Variants in RNF212B observed in about 807,000 individuals in gnomAD.
RNF212B encodes the protein E3 ubiquitin-protein ligase RNF212B.
RNF212B carries 52 observed loss-of-function variants against 55.5 expected under a neutral mutation model. The ratio of observed to expected loss-of-function variants is 0.94; its 90% confidence interval spans 0.75 to 1.18. The LOEUF (loss-of-function observed/expected upper bound fraction) is 1.18. Among genes scored for constraint, RNF212B ranks in the 50% most tolerant of loss-of-function variants. The probability of loss-of-function intolerance (pLI) is 0.00; values close to 1 mark genes in which losing one functional copy is unlikely to be tolerated. For missense variants in RNF212B, 289 were observed against 350.4 expected (o/e 0.82, Z 1.40); for synonymous variants, 99 against 121.4 (o/e 0.82, Z 1.21).
chr14:23,272,884 C>A lies in RNF212B; in HGVS notation c.896C>A (p.Ser299Tyr). Residue 299 changes from serine to tyrosine, a missense_variant, in exon 15 of 15, where the codon TCT (serine) becomes TAT (tyrosine). Ser to Tyr is a moderately radical substitution (Grantham distance 144). Coordinates refer to ENST00000430154, the MANE Select transcript of RNF212B (RefSeq NM_001282322.3). ...AGTGGGAGAGAAGCATGGACCACTT[C>A]TAGATAGATCATCTTCAAGATCTGA... Reference protein sequence around the residue: ...LPSGREAWTTSR With the variant: ...LPSGREAWTTYR 1 of 1,529,016 alleles carries A rather than the reference C, an allele frequency of 6.5e-7. No homozygotes were observed. 94.7% of individuals were successfully genotyped at this position (1,529,016 alleles called of 1,614,324 possible). A position where few individuals can be genotyped will look rare whatever the true frequency, so the allele number is the denominator to read the frequency against.
intron 2 of RNF212B, among the ~76,000 whole-genome samples, chr14:23,223,499 C>G (rs558398573): frequency 6.6e-6 from 1 of 151,984 alleles, no homozygotes; most frequent in South Asian, 2.1e-4. Context: ...GGACTACAGG[C>G]GCCCGCCATC....
intron 2 of RNF212B, among the ~76,000 whole-genome samples, chr14:23,242,364 A>G (rs1416561758): frequency 1.3e-5 from 2 of 152,152 alleles, no homozygotes; most frequent in East Asian, 1.9e-4. Flanking sequence ...ATTTCACTTT[A>G]CAGGGAAAGA....
chr14:23,236,255 C>T (rs998371481), upstream of RNF212B, among the ~76,000 whole-genome samples: 2 of 152,186 alleles, frequency 1.3e-5, no homozygotes, highest in Non-Finnish European at 2.9e-5. Context: ...GTGGCTCACA[C>T]CTGTAATCCC....
At chr14:23,270,024 G>A in intron 13 of RNF212B, 64 bp downstream of exon 13, 1 of 901,506 alleles carries the variant, frequency 1.1e-6, no homozygotes, top group Non-Finnish European at 1.8e-6. Flanking sequence ...CTAAAATGAA[G>A]ATTTTCAAGA....
chr14:23,239,876 C>G (rs770078445), intron 1 of RNF212B, among the ~76,000 whole-genome samples: 1 of 152,056 alleles, frequency 6.6e-6, no homozygotes, highest in African/African-American at 2.4e-5. Flanking sequence ...GCCTCGGCCT[C>G]CCAAAGTGCT....
chr14:23,238,773 T>TC (rs201949788), intron 1 of RNF212B, among the ~76,000 whole-genome samples: 5,200 of 146,570 alleles, frequency 0.035, 138 homozygotes, highest in South Asian at 0.094. Context: ...ATAATAATAA[T>TC]AATAATAATC....
chr14:23,220,963 G>GA (rs1881517860), intron 2 of RNF212B, among the ~76,000 whole-genome samples: 1 of 152,006 alleles, frequency 6.6e-6, no homozygotes, highest in Non-Finnish European at 1.5e-5. Context: ...AAAACAACCA[G>GA]AAAACAAATA....
intron 2 of RNF212B, among the ~76,000 whole-genome samples, chr14:23,229,021 A>G (rs567817167): frequency 2.6e-5 from 4 of 151,500 alleles, no homozygotes; most frequent in African/African-American, 4.8e-5. Context: ...ATTACTTCCT[A>G]TCTCTCATAC....
chr14:23,194,705 A>C (rs1303403162), intron 2 of RNF212B, among the ~76,000 whole-genome samples: 1 of 129,180 alleles, frequency 7.7e-6, no homozygotes, highest in African/African-American at 2.8e-5. Flanking sequence ...ACTGCACTCC[A>C]GCTTGGGCTA....
chr14:23,270,363 A>G (rs1367878222), intron 13 of RNF212B, among the ~76,000 whole-genome samples: 3 of 152,156 alleles, frequency 2.0e-5, no homozygotes, highest in Admixed American at 2.0e-4. Flanking sequence ...TCCATAGCTC[A>G]CCTAAATATT....
At chr14:23,192,547 G>T in intron 1 of RNF212B, among the ~76,000 whole-genome samples, 1 of 124,236 alleles carries the variant, frequency 8.0e-6, no homozygotes, top group South Asian at 3.2e-4. Flanking sequence ...GGGGTGGGGG[G>T]AGGGGGAAGG....
chr14:23,186,646 A>G (rs1394403444), intron 1 of RNF212B, among the ~76,000 whole-genome samples: 1 of 151,966 alleles, frequency 6.6e-6, no homozygotes, highest in East Asian at 1.9e-4. Context: ...TTGCCTTTAT[A>G]TTTTTATTCT....
At chr14:23,263,118 T>C (rs922549672) in intron 9 of RNF212B, 148 bp downstream of exon 9, 1 of 685,038 alleles carries the variant, frequency 1.5e-6, no homozygotes, top group Non-Finnish European at 2.5e-6. Flanking sequence ...AGCCAAACTG[T>C]ATCCAGCTTT....
chr14:23,202,353 CTAATGA>C (rs1879381326), intron 2 of RNF212B, among the ~76,000 whole-genome samples: 1 of 151,782 alleles, frequency 6.6e-6, no homozygotes, highest in South Asian at 2.1e-4. Context: ...GTTTTTGACA[CTAATGA>C]TTAATTTATA....
At chr14:23,269,821 C>T (rs1885944923) in intron 12 of RNF212B, 42 bp from the exon 13 acceptor site, 1 of 1,121,958 alleles carries the variant, frequency 8.9e-7, no homozygotes, top group Non-Finnish European at 1.3e-6. Context: ...TTTACCTTTA[C>T]CTGTCCTTTT....
At chr14:23,250,088 T>C (rs769227022) in intron 4 of RNF212B, among the ~76,000 whole-genome samples, 6 of 152,226 alleles carry the variant, frequency 3.9e-5, no homozygotes, top group Non-Finnish European at 8.8e-5. Context: ...AGGTTATTTA[T>C]TACCTAATCT....
At chr14:23,258,386 A>G in intron 4 of RNF212B, 163 bp from the exon 5 acceptor site, 1 of 326,850 alleles carries the variant, frequency 3.1e-6, no homozygotes, top group Non-Finnish European at 5.5e-6. Context: ...CCTGGAAATG[A>G]GTGCTGAGCT....
intron 2 of RNF212B, among the ~76,000 whole-genome samples, chr14:23,216,169 C>A (rs1881053861): frequency 6.6e-6 from 1 of 152,076 alleles, no homozygotes; most frequent in African/African-American, 2.4e-5. Flanking sequence ...TGGCGTGAAC[C>A]TGGGAGGCGG....
At chr14:23,218,821 T>A (rs1336675915) in intron 2 of RNF212B, among the ~76,000 whole-genome samples, 1 of 151,950 alleles carries the variant, frequency 6.6e-6, no homozygotes, top group Non-Finnish European at 1.5e-5. Flanking sequence ...GAGAAAGATA[T>A]CAACATTCAA....
Sources: gnomAD v4.1 joint callset for allele counts (sites outside exome capture counted in the v4.1 genomes callset) on GRCh38, gnomAD v4.1.1 for gene constraint, MANE v1.5 for transcripts, NCBI Gene and HGNC (gene_info 2026-07-23, HGNC 2026-07-21) for gene names.